The following ARHGAP15 variants were observed in gnomAD, a reference collection of about 807,000 sequenced individuals.
ARHGAP15 encodes rho GTPase-activating protein 15.
ARHGAP15 carries 51 observed loss-of-function variants against 63.7 expected under a neutral mutation model. The observed-to-expected ratio is 0.80, with a 90% CI of 0.64 to 1.01. The LOEUF is 1.01. Ranked by LOEUF, ARHGAP15 falls within the 50% of genes least tolerant of loss-of-function variation. The pLI, the probability that ARHGAP15 is intolerant of heterozygous loss-of-function variation, is 0.00. For synonymous variants in ARHGAP15, 191 were observed against 193.8 expected (o/e 0.99, Z 0.12); for missense variants, 560 against 564.6 (o/e 0.99, Z 0.08).
At chr2:143,220,110 C>A (rs573193231) in intron 4 of ARHGAP15, among the ~76,000 whole-genome samples, 1 of 152,078 alleles carries the variant, frequency 6.6e-6, no homozygotes, top group Non-Finnish European at 1.5e-5. Context: ...TCATCCCTAC[C>A]TCTTTTTTTA....
intron 2 of ARHGAP15, among the ~76,000 whole-genome samples, chr2:143,193,998 C>A (rs542082637): frequency 6.6e-6 from 1 of 152,124 alleles, no homozygotes; most frequent in Non-Finnish European, 1.5e-5. Context: ...GAAAATAAAG[C>A]CTGATTCTAA....
At chr2:143,289,162 A>G (rs973179724) in intron 6 of ARHGAP15, among the ~76,000 whole-genome samples, 21 of 151,670 alleles carry the variant, frequency 1.4e-4, no homozygotes, top group African/African-American at 4.6e-4. Context: ...AACAGAAAAT[A>G]GTTGGAGTGT....
chr2:143,517,929 A>AT (rs1173314267), intron 9 of ARHGAP15, among the ~76,000 whole-genome samples: 3 of 152,240 alleles, frequency 2.0e-5, no homozygotes, highest in African/African-American at 7.2e-5. Flanking sequence ...GACCCAAATG[A>AT]AATCCATTAA....
At chr2:143,517,242 C>T (rs1300961066) in intron 9 of ARHGAP15, among the ~76,000 whole-genome samples, 5 of 152,000 alleles carry the variant, frequency 3.3e-5, no homozygotes, top group East Asian at 1.9e-4. Flanking sequence ...TCACCATGCC[C>T]GGCCTGGAGT....
chr2:143,312,752 G>T (rs1683508651), intron 6 of ARHGAP15, among the ~76,000 whole-genome samples: 3 of 151,918 alleles, frequency 2.0e-5, no homozygotes, highest in Admixed American at 2.0e-4. Flanking sequence ...ACCTGTTTGG[G>T]GTAATATTCC....
intron 6 of ARHGAP15, among the ~76,000 whole-genome samples, chr2:143,255,949 T>C (rs559533030): frequency 6.6e-6 from 1 of 152,260 alleles, no homozygotes; most frequent in South Asian, 2.1e-4. Flanking sequence ...CTATTAGATA[T>C]TCATCCAACA....
At chr2:143,546,419 G>A (rs1004211823) in intron 10 of ARHGAP15, among the ~76,000 whole-genome samples, 1 of 151,720 alleles carries the variant, frequency 6.6e-6, no homozygotes, top group Admixed American at 6.6e-5. Flanking sequence ...CTTTTATTGT[G>A]TTTCTTTAAT....
At chr2:143,536,332 T>C (rs1286806396) in intron 10 of ARHGAP15, among the ~76,000 whole-genome samples, 1 of 152,200 alleles carries the variant, frequency 6.6e-6, no homozygotes, top group Non-Finnish European at 1.5e-5. Flanking sequence ...TTATTTCACT[T>C]AGCATAACGT....
At chr2:143,360,321 G>A (rs1163493116) in intron 6 of ARHGAP15, among the ~76,000 whole-genome samples, 2 of 152,030 alleles carry the variant, frequency 1.3e-5, no homozygotes, top group African/African-American at 4.8e-5. Context: ...AGAGTTTGAG[G>A]TTGCAGTGAG....
intron 10 of ARHGAP15, among the ~76,000 whole-genome samples, chr2:143,532,739 T>C (rs1271091716): frequency 6.6e-6 from 1 of 152,214 alleles, no homozygotes; most frequent in Non-Finnish European, 1.5e-5. Context: ...TTTTCTCATA[T>C]ATTTATAGAC....
At chr2:143,458,097 A>G (rs1008262464) in intron 8 of ARHGAP15, among the ~76,000 whole-genome samples, 1 of 152,166 alleles carries the variant, frequency 6.6e-6, no homozygotes, top group African/African-American at 2.4e-5. Flanking sequence ...TTTAGAGAAC[A>G]TAAAGAAACT....
chr2:143,222,403 T>C (rs941821741), intron 4 of ARHGAP15, among the ~76,000 whole-genome samples: 1 of 152,234 alleles, frequency 6.6e-6, no homozygotes, highest in African/African-American at 2.4e-5. Context: ...TCTGACTTTT[T>C]GGTTTGCCAC....
chr2:143,423,805 C>A, intron 6 of ARHGAP15, among the ~76,000 whole-genome samples: 1 of 152,098 alleles, frequency 6.6e-6, no homozygotes, highest in East Asian at 1.9e-4. Flanking sequence ...TTTTATGTAG[C>A]CCTTATAATG....
intron 6 of ARHGAP15, among the ~76,000 whole-genome samples, chr2:143,264,395 A>G (rs1680890165): frequency 6.6e-6 from 1 of 152,120 alleles, no homozygotes; most frequent in African/African-American, 2.4e-5. Context: ...TGAGGCTGTT[A>G]GTATAACCTA....
At chr2:143,406,916 G>A (rs534393370) in intron 6 of ARHGAP15, among the ~76,000 whole-genome samples, 1 of 151,850 alleles carries the variant, frequency 6.6e-6, no homozygotes, top group South Asian at 2.1e-4. Context: ...AAAGGAAAGG[G>A]GATGAAAGTT....
At chr2:143,395,164 T>C (rs2104979820) in intron 6 of ARHGAP15, among the ~76,000 whole-genome samples, 1 of 152,282 alleles carries the variant, frequency 6.6e-6, no homozygotes, top group Non-Finnish European at 1.5e-5. Flanking sequence ...TTAAAATTTA[T>C]TGAGGAACAG....
chr2:143,430,427 A>C (rs1320796745), intron 6 of ARHGAP15, among the ~76,000 whole-genome samples: 2 of 152,068 alleles, frequency 1.3e-5, no homozygotes, highest in African/African-American at 4.8e-5. Flanking sequence ...CTGATAGTGT[A>C]ATTTCTTTGG....
chr2:143,377,714 A>G (rs755453755), intron 6 of ARHGAP15, among the ~76,000 whole-genome samples: 11 of 152,110 alleles, frequency 7.2e-5, no homozygotes, highest in Non-Finnish European at 1.3e-4. Context: ...TTACAGCAAT[A>G]AATTAACAAA....
At chr2:143,688,230 C>A (rs975311606) in intron 12 of ARHGAP15, among the ~76,000 whole-genome samples, 2 of 152,078 alleles carry the variant, frequency 1.3e-5, no homozygotes. Flanking sequence ...ATTATAGATA[C>A]AAAGCAGGTT....
Sources: allele counts gnomAD v4.1 joint callset (sites outside exome capture counted in the v4.1 genomes callset), GRCh38; gene constraint gnomAD v4.1.1; transcripts MANE v1.5; gene names NCBI Gene and HGNC (gene_info 2026-07-23, HGNC 2026-07-21).